SLC6A5: variants seen among roughly 807,000 people sequenced by gnomAD.
SLC6A5 encodes the protein sodium- and chloride-dependent glycine transporter 2.
A neutral mutation model predicts 90.5 loss-of-function variants in SLC6A5; 58 were observed. The observed-to-expected ratio is 0.64, with a 90% CI of 0.52 to 0.80. The LOEUF is 0.80. Ranked by LOEUF, SLC6A5 falls within the 30% of genes least tolerant of loss-of-function variation. SLC6A5 has a pLI of 0.00. For synonymous variants in SLC6A5, 427 were observed against 401.4 expected, an observed-to-expected ratio of 1.06 and a Z score of -0.76; for missense variants, 1,015 against 1,017.6, an observed-to-expected ratio of 1.00 and a Z score of 0.03.
rs960989173 is a variant in SLC6A5, at chr11:20,614,941, T to C, written c.1127+121T>C. On this transcript the variant is annotated intron_variant, in intron 6 of 15. Coordinates refer to ENST00000525748, the MANE Select transcript of SLC6A5 (RefSeq NM_004211.5). ...GGGATGAGATCAGAGAGGAAGGTTT[T>C]TTCCCTGGTTTGGCTTCCAAGAGCA... The C allele has an allele frequency of 4.1e-6, 4 of 982,382 alleles. No homozygotes were observed. In the African/African-American group the frequency reaches 6.4e-5, roughly 16 times the overall value. The allele number at this position is 982,382 out of a possible 1,614,324, so 60.9% of individuals were successfully genotyped here.
intron 2 of SLC6A5, among the ~76,000 whole-genome samples, chr11:20,603,496 G>C (rs191306637): frequency 6.2e-4 from 94 of 152,364 alleles, no homozygotes; most frequent in Non-Finnish European, 1.0e-3. Flanking sequence ...GAGGTTCAGA[G>C]AGAGCAAGTG....
chr11:20,650,969 C>CGCCT (rs1853519894), intron 14 of SLC6A5, among the ~76,000 whole-genome samples: 1 of 151,540 alleles, frequency 6.6e-6, no homozygotes, highest in Non-Finnish European at 1.5e-5. Context: ...CCCGGCCAGA[C>CGCCT]GCCTGTTCTT....
chr11:20,627,734 A>G (rs1853026303), intron 8 of SLC6A5, among the ~76,000 whole-genome samples: 1 of 152,220 alleles, frequency 6.6e-6, no homozygotes, highest in Non-Finnish European at 1.5e-5. Flanking sequence ...ACATATGAGC[A>G]TGGTATGTAG....
Position 20,626,837 on chromosome 11 carries a change from GCCA to G in SLC6A5, c.1392_1394del (p.Thr465del). 1 of 1,613,860 alleles carries G rather than the reference GCCA, an allele frequency of 6.2e-7. No homozygotes were observed. The highest frequency in any genetic ancestry group is 8.5e-7 in the Non-Finnish European group (1 of 1,179,722). On this transcript the variant is annotated inframe_deletion and splice_region_variant, in exon 8 of 16. Coordinates refer to ENST00000525748, the MANE Select transcript of SLC6A5 (RefSeq NM_004211.5). ...ACCCAAGTGGGAGAAACTCACGGATGCCACGGTGGGCTTCTAATTTTATCTATA... is the reference window on the plus strand; with the variant it reads ...ACCCAAGTGGGAGAAACTCACGGATGCGGTGGGCTTCTAATTTTATCTATA...
At chr11:20,608,023 G>A (rs1852617192) in intron 5 of SLC6A5, among the ~76,000 whole-genome samples, 1 of 152,188 alleles carries the variant, frequency 6.6e-6, no homozygotes. Context: ...TTACCTGGAT[G>A]GTGGTTAGAA....
rs181506500 is a variant in SLC6A5, at chr11:20,618,701, C to G, written c.1260+817C>G. 1.8e-3 allele frequency among the ~76,000 whole-genome samples: 281 copies of G among 152,250 alleles called. 3 individuals are homozygous for G. Among genetic ancestry groups the G allele is most frequent in the African/African-American group, 6.5e-3 (270 of 41,548 alleles). On this transcript the variant is annotated intron_variant, in intron 7 of 15. Transcript: ENST00000525748. ...CCTGTAATCCCAGCACTTTGGGAGG[C>G]TGAGGCGGGTGGATCATTTGAAGCC... is the stretch of plus-strand genomic sequence containing the variant.
chr11:20,634,217 G>A (rs757088654), intron 10 of SLC6A5, among the ~76,000 whole-genome samples: 1 of 152,106 alleles, frequency 6.6e-6, no homozygotes, highest in Non-Finnish European at 1.5e-5. Context: ...CCAGCCACTG[G>A]GCTCTACTGC....
chr11:20,641,443 G>A (rs1401597637), intron 13 of SLC6A5, among the ~76,000 whole-genome samples: 1 of 152,120 alleles, frequency 6.6e-6, no homozygotes, highest in South Asian at 2.1e-4. Flanking sequence ...TCTGTTTTCA[G>A]TTCTTGCCCA....
intron 1 of SLC6A5, among the ~76,000 whole-genome samples, chr11:20,600,799 A>T (rs918108095): frequency 1.3e-5 from 2 of 152,200 alleles, no homozygotes; most frequent in Non-Finnish European, 2.9e-5. Context: ...CACAGCTGTG[A>T]TGTGGAATCC....
At chr11:20,633,620 A>C (rs1202736721) in intron 10 of SLC6A5, among the ~76,000 whole-genome samples, 1 of 152,144 alleles carries the variant, frequency 6.6e-6, no homozygotes, top group Non-Finnish European at 1.5e-5. Context: ...ACTCTGCTCA[A>C]GTTACTGAAA....
chr11:20,610,968 T>C (rs1178259809), intron 5 of SLC6A5, among the ~76,000 whole-genome samples: 3 of 152,190 alleles, frequency 2.0e-5, no homozygotes, highest in Non-Finnish European at 4.4e-5. Context: ...AGAAGTATTG[T>C]TATAATCAGC....
intron 10 of SLC6A5, among the ~76,000 whole-genome samples, chr11:20,631,053 C>T (rs534510229): frequency 6.6e-6 from 1 of 152,314 alleles, no homozygotes; most frequent in Non-Finnish European, 1.5e-5. Context: ...CTTCTCCTTG[C>T]CTCTCCTTCC....
intron 14 of SLC6A5, among the ~76,000 whole-genome samples, chr11:20,647,456 T>C (rs1159449734): frequency 6.8e-6 from 1 of 146,270 alleles, no homozygotes; most frequent in Non-Finnish European, 1.5e-5. Flanking sequence ...TCAGTTCCTA[T>C]ATATATTTAT....
chr11:20,627,920 C>G (rs554377219), intron 8 of SLC6A5, 60 bp from the exon 9 acceptor site: 2 of 1,295,798 alleles, frequency 1.5e-6, no homozygotes, highest in South Asian at 2.4e-5. Flanking sequence ...TGTGTGACTC[C>G]TCTCCCCTGG....
chr11:20,615,588 C>T (rs985151744), intron 6 of SLC6A5, among the ~76,000 whole-genome samples: 5 of 152,074 alleles, frequency 3.3e-5, no homozygotes, highest in South Asian at 2.1e-4. Context: ...AGGATGGCCT[C>T]GATATCCTGA....
intron 3 of SLC6A5, among the ~76,000 whole-genome samples, chr11:20,604,683 C>T (rs1852544577): frequency 6.6e-6 from 1 of 152,164 alleles, no homozygotes; most frequent in South Asian, 2.1e-4. Context: ...CCCACTGACC[C>T]AGTTTTGGGG....
In SLC6A5 at chr11:20,655,464, T is replaced by A. The variant is rs1196450452; in HGVS notation, c.*596T>A. 1.2e-5 allele frequency: 2 copies of A among 160,050 alleles called. No homozygotes were observed. The highest frequency in any genetic ancestry group is 1.2e-4 in the Admixed American group (2 of 17,370). 9.9% of individuals were successfully genotyped at this position (160,050 alleles called of 1,614,324 possible). ...TGGGGATCTGTTTCCTTCGTTTGGA[T>A]CAGCAATCTCCAGTTACCACTAACT... On this transcript the variant is annotated 3_prime_UTR_variant, in exon 16 of 16. Transcript: ENST00000525748.
chr11:20,607,761 G>C, intron 5 of SLC6A5, 109 bp downstream of exon 5: 2 of 826,292 alleles, frequency 2.4e-6, no homozygotes, highest in Non-Finnish European at 4.0e-6. Context: ...TAGGTTCTGG[G>C]AACACAGAGA....
chr11:20,606,408 A>G lies in SLC6A5; in HGVS notation c.680-599A>G, dbSNP rs114112815. 8.1e-3 allele frequency among the ~76,000 whole-genome samples: 1,237 copies of G among 152,282 alleles called. 18 individuals carry two copies. The highest frequency in any genetic ancestry group is 0.028 in the African/African-American group (1,181 of 41,550). ...GAAGCATTTGAGTTGACCTTGAAGGATGGAAGGAACTTCTCATATGGGGAA... is the reference window on the plus strand; with the variant it reads ...GAAGCATTTGAGTTGACCTTGAAGGGTGGAAGGAACTTCTCATATGGGGAA... On this transcript the variant is annotated intron_variant, in intron 3 of 15. Coordinates refer to ENST00000525748, the MANE Select transcript of SLC6A5 (RefSeq NM_004211.5).
Sources: gnomAD v4.1 joint callset for allele counts (sites outside exome capture counted in the v4.1 genomes callset) on GRCh38, gnomAD v4.1.1 for gene constraint, MANE v1.5 for transcripts, NCBI Gene and HGNC (gene_info 2026-07-23, HGNC 2026-07-21) for gene names.